The following ELP4 variants were observed in gnomAD, a reference collection of about 807,000 sequenced individuals.
The protein encoded by ELP4 is elongator complex protein 4.
In ELP4, 51 loss-of-function variants were observed where a neutral mutation model predicts 48.9. The ratio of observed to expected loss-of-function variants is 1.04; its 90% CI spans 0.83 to 1.32. The LOEUF (loss-of-function observed/expected upper bound fraction) is 1.32, where lower values mean the gene tolerates loss of function less well. Ranked by LOEUF, ELP4 falls within the 40% of genes most tolerant of loss-of-function variation. The pLI, the probability that ELP4 is intolerant of heterozygous loss-of-function variation, is 0.00. For missense variants in ELP4, 519 were observed against 514.6 expected (o/e 1.01, Z -0.08); for synonymous variants, 210 against 189.2 (o/e 1.11, Z -0.90).
At chr11:31,709,855 T>A in intron 9 of ELP4, among the ~76,000 whole-genome samples, 1 of 152,110 alleles carries the variant, frequency 6.6e-6, no homozygotes, top group East Asian at 1.9e-4. Context: ...CAAATACCAA[T>A]TTAAGATAAT....
intron 7 of ELP4, among the ~76,000 whole-genome samples, chr11:31,635,110 G>T (rs1033793412): frequency 6.6e-5 from 10 of 151,876 alleles, no homozygotes; most frequent in African/African-American, 2.2e-4. Context: ...ACTTGTACTT[G>T]TTCAAACCCA....
intron 9 of ELP4, among the ~76,000 whole-genome samples, chr11:31,710,990 G>T (rs1026090997): frequency 7.2e-5 from 11 of 152,126 alleles, no homozygotes; most frequent in Non-Finnish European, 1.6e-4. Flanking sequence ...AATCAAAAAT[G>T]ATTAGGGAAA....
intron 5 of ELP4, among the ~76,000 whole-genome samples, chr11:31,612,025 G>A (rs905434253): frequency 6.6e-5 from 10 of 152,138 alleles, no homozygotes; most frequent in African/African-American, 1.9e-4. Flanking sequence ...ATAAAGGAAG[G>A]AACTTGGTGT....
intron 9 of ELP4, among the ~76,000 whole-genome samples, chr11:31,736,939 C>A (rs1947333033): frequency 6.6e-6 from 1 of 152,188 alleles, no homozygotes; most frequent in South Asian, 2.1e-4. Flanking sequence ...ACTAGAAATA[C>A]CATTTGACCC....
chr11:31,765,851 T>C (rs1205939350), intron 9 of ELP4, among the ~76,000 whole-genome samples: 2 of 152,100 alleles, frequency 1.3e-5, no homozygotes, highest in African/African-American at 2.4e-5. Flanking sequence ...AAATAACATG[T>C]AGTGGGCTTT....
intron 9 of ELP4, among the ~76,000 whole-genome samples, chr11:31,659,082 A>G (rs1945500457): frequency 6.6e-6 from 1 of 152,120 alleles, no homozygotes. Flanking sequence ...AATGATAAAT[A>G]TAAATTATTA....
chr11:31,548,589 C>T (rs1337247465), intron 3 of ELP4, among the ~76,000 whole-genome samples: 2 of 152,138 alleles, frequency 1.3e-5, no homozygotes, highest in Non-Finnish European at 2.9e-5. Context: ...CAGTGCCATC[C>T]CTATCAAGCT....
chr11:31,779,871 T>C (rs1353617336), intron 9 of ELP4: 1 of 152,152 alleles, frequency 6.6e-6, no homozygotes, highest in Non-Finnish European at 1.5e-5. Context: ...CAGCTATCCA[T>C]CTCCTGCATC....
chr11:31,557,813 G>A (rs559780139), intron 3 of ELP4, among the ~76,000 whole-genome samples: 26 of 152,084 alleles, frequency 1.7e-4, no homozygotes, highest in African/African-American at 5.1e-4. Flanking sequence ...CTTTCTGACC[G>A]TTGGTATCAG....
At chr11:31,704,971 A>G (rs1946600658) in intron 9 of ELP4, among the ~76,000 whole-genome samples, 1 of 151,564 alleles carries the variant, frequency 6.6e-6, no homozygotes, top group Admixed American at 6.6e-5. Flanking sequence ...AGATCGCGCC[A>G]CTGCACGCCA....
chr11:31,627,017 C>T (rs995070559), intron 5 of ELP4, 93 bp from the exon 6 acceptor site: 15 of 672,046 alleles, frequency 2.2e-5, no homozygotes, highest in East Asian at 1.4e-4. Flanking sequence ...TAAATGTATG[C>T]CTTTTAATTA....
At chr11:31,756,606 G>A (rs1947837168) in intron 9 of ELP4, among the ~76,000 whole-genome samples, 1 of 152,130 alleles carries the variant, frequency 6.6e-6, no homozygotes, top group Admixed American at 6.5e-5. Flanking sequence ...TTAAGGACAA[G>A]GATTACTTGA....
chr11:31,565,025 C>T (rs1195819774), intron 3 of ELP4, among the ~76,000 whole-genome samples: 3 of 152,190 alleles, frequency 2.0e-5, no homozygotes, highest in Non-Finnish European at 4.4e-5. Context: ...TCTCCACATC[C>T]TCTCCAGCAC....
chr11:31,627,947 T>C (rs1254020720), intron 6 of ELP4, among the ~76,000 whole-genome samples: 1 of 152,126 alleles, frequency 6.6e-6, no homozygotes, highest in Non-Finnish European at 1.5e-5. Context: ...ACATTTGTGC[T>C]CAACTCATGG....
chr11:31,621,831 T>C (rs569564159), intron 5 of ELP4, among the ~76,000 whole-genome samples: 38 of 151,958 alleles, frequency 2.5e-4, no homozygotes, highest in African/African-American at 8.4e-4. Context: ...ACCACAGGCT[T>C]TTCATTGAAT....
chr11:31,641,477 G>T (rs1319567539), intron 7 of ELP4, among the ~76,000 whole-genome samples: 3 of 151,796 alleles, frequency 2.0e-5, no homozygotes, highest in Non-Finnish European at 4.4e-5. Flanking sequence ...TAAATAATTT[G>T]ACCTCCTGGT....
intron 3 of ELP4, among the ~76,000 whole-genome samples, chr11:31,545,477 G>A (rs1383589991): frequency 6.6e-6 from 1 of 152,028 alleles, no homozygotes; most frequent in African/African-American, 2.4e-5. Context: ...AGAAATATGG[G>A]ACTATGTGAA....
intron 9 of ELP4, among the ~76,000 whole-genome samples, chr11:31,668,056 A>G (rs1040766960): frequency 3.3e-5 from 5 of 152,196 alleles, no homozygotes; most frequent in African/African-American, 7.2e-5. Context: ...TTTATAGTAA[A>G]TATTCAAAAA....
At chr11:31,525,038 C>G (rs1397963590) in intron 2 of ELP4, among the ~76,000 whole-genome samples, 1 of 152,088 alleles carries the variant, frequency 6.6e-6, no homozygotes, top group East Asian at 1.9e-4. Flanking sequence ...TAGCTGGTCA[C>G]CTATTTTTGT....
Sources: allele counts gnomAD v4.1 joint callset (sites outside exome capture counted in the v4.1 genomes callset), GRCh38; gene constraint gnomAD v4.1.1; transcripts MANE v1.5; gene names NCBI Gene and HGNC (gene_info 2026-07-23, HGNC 2026-07-21).